STK10: variants seen among roughly 807,000 people sequenced by gnomAD.
STK10 encodes the protein serine/threonine kinase 10.
In STK10, 78 loss-of-function variants were observed where a neutral mutation model predicts 113.8. The ratio of observed to expected loss-of-function variants is 0.69; its 90% CI spans 0.57 to 0.83. The LOEUF is 0.83. Among genes scored for constraint, STK10 ranks in the 40% least tolerant of loss-of-function variants. The probability of loss-of-function intolerance (pLI) is 0.00; values close to 1 mark genes in which losing one functional copy is unlikely to be tolerated. For missense variants in STK10, 1,109 were observed against 1,280.1 expected (o/e 0.87, Z 2.04); for synonymous variants, 465 against 494.7 (o/e 0.94, Z 0.80).
At chr5:172,058,291 G>A (rs1049870758) in intron 14 of STK10, among the ~76,000 whole-genome samples, 73 of 152,314 alleles carry the variant, frequency 4.8e-4, no homozygotes, top group African/African-American at 1.7e-3. Context: ...TAAATAGGAC[G>A]GTTCTTACCA....
At chr5:172,162,496 A>G (rs986637715) in intron 1 of STK10, among the ~76,000 whole-genome samples, 5 of 151,822 alleles carry the variant, frequency 3.3e-5, no homozygotes, top group African/African-American at 1.2e-4. Flanking sequence ...CTGCCTTTTC[A>G]TTCCTTGTAA....
intron 7 of STK10, among the ~76,000 whole-genome samples, chr5:172,100,497 G>A (rs1045717327): frequency 3.9e-5 from 6 of 152,052 alleles, no homozygotes; most frequent in Non-Finnish European, 8.8e-5. Context: ...TTTAAAAAAC[G>A]CCAAAAAGGC....
intron 1 of STK10, among the ~76,000 whole-genome samples, chr5:172,172,478 T>C (rs947243609): frequency 6.6e-6 from 1 of 152,244 alleles, no homozygotes; most frequent in Non-Finnish European, 1.5e-5. Flanking sequence ...GGGTCAGTTC[T>C]GCCACATCTG....
chr5:172,171,358 G>C (rs553746434), intron 1 of STK10, among the ~76,000 whole-genome samples: 1 of 152,038 alleles, frequency 6.6e-6, no homozygotes, highest in Non-Finnish European at 1.5e-5. Flanking sequence ...AGATGTAACC[G>C]CTCCTCCTCC....
At chr5:172,062,736 G>A (rs1045730116) in intron 13 of STK10, among the ~76,000 whole-genome samples, 12 of 152,184 alleles carry the variant, frequency 7.9e-5, no homozygotes, top group Admixed American at 3.9e-4. Context: ...ACCAAGGGTT[G>A]GAGGAGAAGA....
intron 12 of STK10, among the ~76,000 whole-genome samples, chr5:172,076,178 C>CATTT (rs1259874267): frequency 4.8e-5 from 6 of 126,112 alleles, no homozygotes; most frequent in African/African-American, 9.1e-5. Flanking sequence ...CTGTCCTGTG[C>CATTT]GTTAGTTGTG....
At chr5:172,101,616 A>G (rs772730782) in intron 7 of STK10, among the ~76,000 whole-genome samples, 2 of 152,218 alleles carry the variant, frequency 1.3e-5, no homozygotes, top group Non-Finnish European at 2.9e-5. Flanking sequence ...GAGCTTGACA[A>G]CAAACCTAAT....
In STK10 at chr5:172,187,843, G is replaced by C. The variant is rs764581553; in HGVS notation, c.156+44C>G. ...CCGGCTCAGGCATCCCTTCCTTCCG[G>C]AGCCCCTCGACGCGCGTCCGGCCAC... On this transcript the variant is annotated intron_variant, in intron 1 of 18. Coordinates refer to ENST00000176763, the MANE Select transcript of STK10 (RefSeq NM_005990.4). The surrounding 1 kb of genome is among the most constrained non-coding windows in gnomAD (Gnocchi z 4.6). The C allele has an allele frequency of 3.1e-6, 5 of 1,601,352 alleles. No individual in the cohort carries two copies. The African/African-American group carries it at 6.7e-5, about 21-fold the overall frequency.
intron 1 of STK10, among the ~76,000 whole-genome samples, chr5:172,157,392 A>G (rs933967554): frequency 2.0e-5 from 3 of 151,982 alleles, no homozygotes; most frequent in Admixed American, 6.6e-5. Flanking sequence ...CCCCATCTCT[A>G]CCAAAAATAC....
At chr5:172,048,318 T>G (rs1444910663) in intron 18 of STK10, among the ~76,000 whole-genome samples, 1 of 151,918 alleles carries the variant, frequency 6.6e-6, no homozygotes, top group Non-Finnish European at 1.5e-5. Context: ...GTCTCCAGCC[T>G]GCTGACCTGT....
chr5:172,095,557 G>T (rs979095241), intron 8 of STK10, among the ~76,000 whole-genome samples: 6 of 152,252 alleles, frequency 3.9e-5, no homozygotes, highest in Non-Finnish European at 7.3e-5. Context: ...GCTGTAGAGG[G>T]CCCGGCAGCC....
At chr5:172,176,452 C>A (rs1436606581) in intron 1 of STK10, among the ~76,000 whole-genome samples, 1 of 152,204 alleles carries the variant, frequency 6.6e-6, no homozygotes, top group African/African-American at 2.4e-5. Flanking sequence ...CAGCTCTGGC[C>A]TTCCCTCCCA....
In STK10 at chr5:172,062,224, C is replaced by T. The variant is rs528011696; in HGVS notation, c.2083-956G>A. On this transcript the variant is annotated intron_variant, in intron 13 of 18. Coordinates refer to ENST00000176763, the MANE Select transcript of STK10 (RefSeq NM_005990.4). ...AACTCCTGGCCTCAAGTGATCCACCCGCCTCGGCCTCCCTATTCCTGTGTT... is the reference window on the plus strand; with the variant it reads ...AACTCCTGGCCTCAAGTGATCCACCTGCCTCGGCCTCCCTATTCCTGTGTT... 6.6e-5 allele frequency among the ~76,000 whole-genome samples: 10 copies of T among 151,968 alleles called. No homozygotes were observed. The Middle Eastern group carries it at 0.01, about 156-fold the overall frequency.
chr5:172,117,606 G>T lies in STK10; in HGVS notation c.395C>A (p.Pro132His). The T allele has an allele frequency of 4.3e-6, 7 of 1,614,036 alleles. No individual in the cohort carries two copies. Among genetic ancestry groups the T allele is most frequent in the Non-Finnish European group, 5.1e-6 (6 of 1,180,014 alleles). Residue 132 changes from proline to histidine, a missense_variant, in exon 4 of 19, where the codon CCC becomes CAC. Pro to His is a moderately conservative substitution (Grantham distance 77). This residue lies in a region of STK10 where 120 missense variants were observed against 134.8 expected (regional missense o/e 0.89). Transcript: ENST00000176763. Reference protein sequence around the residue: ...MLELDRGLTEPQIQVVCRQML... With the variant: ...MLELDRGLTEHQIQVVCRQML... ...CTGGCGGCAAACCACCTGTATCTGG[G>T]GCTCCGTGAGGCCTCTGTCCAGCTC...
intron 1 of STK10, among the ~76,000 whole-genome samples, chr5:172,157,423 GCA>G (rs1770372847): frequency 6.6e-6 from 1 of 152,076 alleles, no homozygotes; most frequent in Non-Finnish European, 1.5e-5. Context: ...CAGTGTGGTG[GCA>G]TGCGCCTGTA....
intron 17 of STK10, 31 bp downstream of exon 17, chr5:172,054,538 G>C (rs777694438): frequency 1.9e-6 from 3 of 1,595,668 alleles, no homozygotes; most frequent in Admixed American, 3.4e-5. Context: ...AGGCAGCCTG[G>C]GGGCAGGGGC....
At chr5:172,061,977 T>TTTCTTTTCTTTTC (rs370669766) in intron 13 of STK10, among the ~76,000 whole-genome samples, 11 of 149,774 alleles carry the variant, frequency 7.3e-5, no homozygotes, top group African/African-American at 2.8e-4. Context: ...TTACTTTTCT[T>TTTCTTTTCTTTTC]TTTTCTTTTT....
chr5:172,083,278 A>C (rs1236745637), intron 10 of STK10, among the ~76,000 whole-genome samples, 194 bp from the exon 11 acceptor site: 1 of 152,234 alleles, frequency 6.6e-6, no homozygotes, highest in Non-Finnish European at 1.5e-5. Flanking sequence ...ATAAATAAAG[A>C]GTGCTTACAA....
intron 13 of STK10, among the ~76,000 whole-genome samples, chr5:172,062,361 G>C (rs1286567863): frequency 6.6e-6 from 1 of 152,146 alleles, no homozygotes; most frequent in East Asian, 1.9e-4. Context: ...AGCTGCGGTA[G>C]GTATGTCTAT....
Sources: gnomAD v4.1 joint callset for allele counts (sites outside exome capture counted in the v4.1 genomes callset) on GRCh38, gnomAD v4.1.1 for gene constraint, gnomAD v4.1.1 regional missense constraint, Gnocchi (gnomAD v3.1) non-coding constraint, MANE v1.5 for transcripts, NCBI Gene and HGNC (gene_info 2026-07-23, HGNC 2026-07-21) for gene names.